The following SNX21 variants were observed in gnomAD, a reference collection of about 807,000 sequenced individuals.
The protein encoded by SNX21 is sorting nexin-21.
In SNX21, 36 loss-of-function variants were observed where a neutral mutation model predicts 30.9. That is an observed-to-expected ratio of 1.16 (90% CI 0.89 to 1.54). The LOEUF is 1.54. SNX21 is among the 40% of genes most tolerant of loss of function. The pLI, the probability that SNX21 is intolerant of heterozygous loss-of-function variation, is 0.00. For synonymous variants in SNX21, 218 were observed against 222.7 expected (o/e 0.98, Z 0.19); for missense variants, 508 against 516.5 (o/e 0.98, Z 0.16).
rs1323612344 is a variant in SNX21 at position 45,834,903 on chromosome 20, G to A, written c.290-56G>A. 17 of 1,575,414 alleles carry A rather than the reference G, an allele frequency of 1.1e-5. No individual in the cohort carries two copies. The Admixed American group carries it at 2.9e-4, about 27-fold the overall frequency. On this transcript the variant is annotated intron_variant, in intron 2 of 3. Coordinates refer to ENST00000491381, the MANE Select transcript of SNX21 (RefSeq NM_033421.4). ...GGAGGATGAGTGAGGCCACGTCAGTGGTTGATGTCGACCCTGGCCCTAGGC... is the reference window on the plus strand; with the variant it reads ...GGAGGATGAGTGAGGCCACGTCAGTAGTTGATGTCGACCCTGGCCCTAGGC...
intron 3 of SNX21, chr20:45,838,419 C>T (rs1381753609): frequency 2.0e-5 from 3 of 151,680 alleles, no homozygotes; most frequent in Middle Eastern, 2.1e-3. Flanking sequence ...ATAGCACTAC[C>T]GTACGTGGAA....
chr20:45,839,332 A>G (rs553856634), intron 3 of SNX21, among the ~76,000 whole-genome samples: 125 of 152,128 alleles, frequency 8.2e-4, no homozygotes, highest in South Asian at 2.1e-3. Context: ...TGGCTAACAC[A>G]GTGAAACCCC....
In SNX21 at chr20:45,835,104, C is replaced by T; in HGVS notation, c.435C>T (p.Pro145=). The change falls in exon 3 of 4, where the codon CCC becomes CCT. Residue 145 remains proline (P), a synonymous_variant. Transcript: ENST00000491381. The part of the protein sequence containing the change: ...VTSANVVKDP[P]SKYVLYTLAV... ...GCGCTAACGTTGTCAAGGACCCGCC[C>T]TCCAAGTACGTGGTGAGTGAGGGTC... The T allele has an allele frequency of 1.2e-6, 2 of 1,613,086 alleles. No individual in the cohort carries two copies. Among genetic ancestry groups the T allele is most frequent in the Non-Finnish European group, 8.5e-7 (1 of 1,179,312 alleles).
At position 45,835,077 on chromosome 20, in the gene SNX21, C is replaced by T; in HGVS notation, c.408C>T (p.Thr136=). 1 of 1,614,150 alleles carries T rather than the reference C, an allele frequency of 6.2e-7. No homozygotes were observed. The highest frequency in any genetic ancestry group is 8.5e-7 in the Non-Finnish European group (1 of 1,180,010). ...CCCAGCGGCTGCTCTTCGAAGTGAC[C>T]AGCGCTAACGTTGTCAAGGACCCGC... is the stretch of plus-strand genomic sequence containing the variant. ...LAPQRLLFEV[T]SANVVKDPPS... The change falls in exon 3 of 4, where the codon ACC becomes ACT. Residue 136 remains threonine, a synonymous_variant. Coordinates refer to ENST00000491381, the MANE Select transcript of SNX21 (RefSeq NM_033421.4).
At chr20:45,838,997 A>G (rs1983777126) in intron 3 of SNX21, among the ~76,000 whole-genome samples, 1 of 151,128 alleles carries the variant, frequency 6.6e-6, no homozygotes, top group Non-Finnish European at 1.5e-5. Context: ...AGGTTCAAGC[A>G]ATTCTCCTGC....
At chr20:45,834,499 TG>T in intron 2 of SNX21, 31 bp downstream of exon 2, 1 of 1,565,454 alleles carries the variant, frequency 6.4e-7, no homozygotes, top group South Asian at 1.2e-5. Context: ...GCGGGAACCC[TG>T]GGGCTCGATT....
Position 45,834,809 on chromosome 20 carries a change from G to A in SNX21, c.290-150G>A, listed in dbSNP as rs984275674. 2.1e-5 allele frequency: 22 copies of A among 1,031,212 alleles called. No individual in the cohort carries two copies. In the African/African-American group the frequency reaches 2.9e-4, roughly 14 times the overall value. The allele number at this position is 1,031,212 out of a possible 1,614,324, so 63.9% of individuals were successfully genotyped here. The stretch of plus-strand genomic sequence containing the variant: ...TACTGTCTGCCAGGCACGGTGTTTG[G>A]CTCCTCGGTGCCTCTCTGTCCCTCA... On this transcript the variant is annotated intron_variant, in intron 2 of 3. Transcript: ENST00000491381.
At position 45,841,990 on chromosome 20, in the gene SNX21, T is replaced by A; in HGVS notation, c.*677T>A. The A allele has an allele frequency of 6.2e-7, 1 of 1,610,270 alleles. No individual in the cohort carries two copies. The highest frequency in any genetic ancestry group is 8.5e-7 in the Non-Finnish European group (1 of 1,179,408). ...GAGGTGAAGGGTGATGATGGCCTGC[T>A]TCAGAACAGCCAAATACACTTTTTT... On this transcript the variant is annotated 3_prime_UTR_variant, in exon 4 of 4. Transcript: ENST00000491381.
At chr20:45,840,319 C>T in intron 3 of SNX21, 1 of 1,579,100 alleles carries the variant, frequency 6.3e-7, no homozygotes, top group South Asian at 1.1e-5. Flanking sequence ...TCTGGTTTTC[C>T]AGAGGGGGCT....
At chr20:45,834,832 TCA>T in intron 2 of SNX21, 125 bp from the exon 3 acceptor site, 1 of 1,292,092 alleles carries the variant, frequency 7.7e-7, no homozygotes, top group Non-Finnish European at 1.1e-6. Flanking sequence ...TCTCTGTCCC[TCA>T]GTTTCCATTT....
rs1312304263 is a variant in SNX21, at chr20:45,835,026, G to C, written c.357G>C (p.Trp119Cys). ...QLLARQLQDF[W>C]KKSRNTLAPQ... is the part of the protein sequence containing the mutation. ...TGGCGCGGCAGCTGCAGGATTTCTG[G>C]AAGAAGTCCCGGAACACCTTGGCAC... Residue 119 changes from tryptophan (W) to cysteine (C), a missense_variant, in exon 3 of 4, where the codon TGG becomes TGC. Trp to Cys is a radical substitution (Grantham distance 215). Coordinates refer to ENST00000491381, the MANE Select transcript of SNX21 (RefSeq NM_033421.4). The C allele has an allele frequency of 1.2e-6, 2 of 1,614,080 alleles. No homozygotes were observed. The highest frequency in any genetic ancestry group is 1.7e-6 in the Non-Finnish European group (2 of 1,180,046).
intron 3 of SNX21, chr20:45,838,445 C>A (rs957640944): frequency 3.3e-5 from 5 of 151,734 alleles, no homozygotes; most frequent in Non-Finnish European, 7.3e-5. Context: ...CACTTGCCAC[C>A]GAGAGAAGCT....
intron 3 of SNX21, 90 bp downstream of exon 3, chr20:45,835,206 G>A: frequency 7.2e-7 from 1 of 1,397,628 alleles, no homozygotes; most frequent in South Asian, 1.5e-5. Flanking sequence ...AGGGGTCTAT[G>A]TAGTTATAAA....
At chr20:45,835,427 CAG>C (rs1348357209) in intron 3 of SNX21, among the ~76,000 whole-genome samples, 2 of 152,164 alleles carry the variant, frequency 1.3e-5, no homozygotes, top group African/African-American at 4.8e-5. Context: ...ATGTGAGATA[CAG>C]AGAGACAGAT....
chr20:45,842,174 G>C lies in SNX21; in HGVS notation c.*861G>C, dbSNP rs1984235785. On this transcript the variant is annotated 3_prime_UTR_variant, in exon 4 of 4. Coordinates refer to ENST00000491381, the MANE Select transcript of SNX21 (RefSeq NM_033421.4). ...GACTTCTTGCAAAGGGTCTGGCCCAGGGCAGGGCTGCCCCACACAAGGGTG... is the reference window on the plus strand; with the variant it reads ...GACTTCTTGCAAAGGGTCTGGCCCACGGCAGGGCTGCCCCACACAAGGGTG... 1 of 1,505,268 alleles carries C rather than the reference G, an allele frequency of 6.6e-7. No individual in the cohort carries two copies. The highest frequency in any genetic ancestry group is 2.1e-5 in the Admixed American group (1 of 46,570). The allele number at this position is 1,505,268 out of a possible 1,614,324, so 93.2% of individuals were successfully genotyped here. A position where few individuals can be genotyped will look rare whatever the true frequency, so the allele number is the denominator to read the frequency against.
rs767945143 is a variant in SNX21, at chr20:45,834,464, C to G, written c.285C>G (p.Asp95Glu). The part of the protein sequence containing the change: ...LPLGDGTSGE[D>E]AERSPPPDGQ... ...TCGGGGATGGGACGTCAGGAGAAGA[C>G]GCAGGCGAGTGCAGGAGGACGGAGG... Residue 95 changes from aspartate (D) to glutamate (E), a missense_variant, in exon 2 of 4, where the codon GAC (aspartate) becomes GAG (glutamate). Transcript: ENST00000491381. 6.2e-7 allele frequency: 1 copy of G among 1,601,766 alleles called. No homozygotes were observed. The highest frequency in any genetic ancestry group is 2.2e-5 in the East Asian group (1 of 44,818).
At position 45,842,165 on chromosome 20, in the gene SNX21, T is replaced by C; in HGVS notation, c.*852T>C. Reference sequence around the variant, plus strand: ...CTCCAAGTGGACTTCTTGCAAAGGGTCTGGCCCAGGGCAGGGCTGCCCCAC... The same window carrying C: ...CTCCAAGTGGACTTCTTGCAAAGGGCCTGGCCCAGGGCAGGGCTGCCCCAC... On this transcript the variant is annotated 3_prime_UTR_variant, in exon 4 of 4. Coordinates refer to ENST00000491381, the MANE Select transcript of SNX21 (RefSeq NM_033421.4). 2 of 1,519,552 alleles carry C rather than the reference T, an allele frequency of 1.3e-6. No individual in the cohort carries two copies. Among genetic ancestry groups the C allele is most frequent in the Non-Finnish European group, 1.8e-6 (2 of 1,139,964 alleles). The allele number at this position is 1,519,552 out of a possible 1,614,324, so 94.1% of individuals were successfully genotyped here.
At chr20:45,833,994 G>C in intron 1 of SNX21, 54 bp downstream of exon 1, 1 of 1,427,394 alleles carries the variant, frequency 7.0e-7, no homozygotes, top group Non-Finnish European at 9.1e-7. Flanking sequence ...GAGCCCCTCC[G>C]GGGAGGAACG....
At position 45,842,729 on chromosome 20, in the gene SNX21, A is replaced by G; in HGVS notation, c.*1416A>G. On this transcript the variant is annotated 3_prime_UTR_variant, in exon 4 of 4. Coordinates refer to ENST00000491381, the MANE Select transcript of SNX21 (RefSeq NM_033421.4). ...TTTCCAGACCAGGACTGAAATCCAG[A>G]GAGGGTCAGGAATTTGGCCCCATGA... 1 of 989,486 alleles carries G rather than the reference A, an allele frequency of 1.0e-6. No individual in the cohort carries two copies. Among genetic ancestry groups the G allele is most frequent in the Non-Finnish European group, 1.2e-6 (1 of 832,430 alleles). 61.3% of individuals were successfully genotyped at this position (989,486 alleles called of 1,614,324 possible). A position where few individuals can be genotyped will look rare whatever the true frequency, so the allele number is the denominator to read the frequency against.
Sources: gnomAD v4.1 joint callset for allele counts (sites outside exome capture counted in the v4.1 genomes callset) on GRCh38, gnomAD v4.1.1 for gene constraint, MANE v1.5 for transcripts, NCBI Gene and HGNC (gene_info 2026-07-23, HGNC 2026-07-21) for gene names.